Variants in DPYSL5 observed in about 807,000 individuals in gnomAD.
The protein encoded by DPYSL5 is dihydropyrimidinase-related protein 5.
DPYSL5 carries 9 observed loss-of-function variants against 58.4 expected under a neutral mutation model. The ratio of observed to expected loss-of-function variants is 0.15; its 90% CI spans 0.09 to 0.27. The LOEUF (loss-of-function observed/expected upper bound fraction) is 0.27. Among genes scored for constraint, DPYSL5 ranks in the 10% least tolerant of loss-of-function variants. The pLI is 1.00. For synonymous variants in DPYSL5, 293 were observed against 301.9 expected, an observed-to-expected ratio of 0.97 and a Z score of 0.31; for missense variants, 499 against 770.6, an observed-to-expected ratio of 0.65 and a Z score of 4.17.
rs575888836 is a variant in DPYSL5, at chr2:26,901,921, C to T, written c.261+3161C>T. Among the ~76,000 whole-genome samples the T allele has an allele frequency of 3.9e-5, 6 of 152,224 alleles. No individual in the cohort carries two copies. In the East Asian group the frequency reaches 1.2e-3, roughly 30 times the overall value. On this transcript the variant is annotated intron_variant, in intron 2 of 12. Coordinates refer to ENST00000288699, the MANE Select transcript of DPYSL5 (RefSeq NM_020134.4). The stretch of plus-strand genomic sequence containing the variant: ...CTCCAGGGATTTCTCTCCAGTACTT[C>T]TTTAGCCCACGCCTCGCTGGCCCCA...
chr2:26,927,469 C>G lies in DPYSL5; in HGVS notation c.600+37C>G. 1 of 1,602,968 alleles carries G rather than the reference C, an allele frequency of 6.2e-7. No homozygotes were observed. The highest frequency in any genetic ancestry group is 1.1e-5 in the South Asian group (1 of 89,826). On this transcript the variant is annotated intron_variant, in intron 4 of 12. Transcript: ENST00000288699. The surrounding 1 kb of genome is among the most constrained non-coding windows in gnomAD (Gnocchi z 4.3). ...GCCAAGAATATTGGATGGAGGGACACCAGTGGAGACAGTTAGTTCTCAGGG... is the reference window on the plus strand; with the variant it reads ...GCCAAGAATATTGGATGGAGGGACAGCAGTGGAGACAGTTAGTTCTCAGGG...
At chr2:26,945,934 A>G (rs1191339113) in intron 12 of DPYSL5, among the ~76,000 whole-genome samples, 1 of 152,180 alleles carries the variant, frequency 6.6e-6, no homozygotes, top group Non-Finnish European at 1.5e-5. Context: ...TTGTGGCAGA[A>G]GAGATGAGGT....
chr2:26,945,056 C>A (rs539888480), intron 12 of DPYSL5, among the ~76,000 whole-genome samples: 4 of 152,182 alleles, frequency 2.6e-5, no homozygotes, highest in Non-Finnish European at 2.9e-5. Context: ...ACCTGGGGCT[C>A]TGCTCGGGGT....
chr2:26,938,453 G>A (rs112976834), intron 8 of DPYSL5: 22 of 152,366 alleles, frequency 1.4e-4, no homozygotes, highest in East Asian at 7.7e-4. Flanking sequence ...GGGGCTCTGC[G>A]GGAGAATCTC....
intron 2 of DPYSL5, among the ~76,000 whole-genome samples, chr2:26,911,066 G>T (rs4665922): frequency 0.37 from 52,712 of 141,524 alleles, 10,109 homozygotes; most frequent in Admixed American, 0.53. Context: ...ATGGTATGTG[G>T]TATCTATGTT....
chr2:26,878,986 C>G (rs981063479), intron 1 of DPYSL5, among the ~76,000 whole-genome samples: 3 of 152,212 alleles, frequency 2.0e-5, no homozygotes, highest in African/African-American at 7.2e-5. Context: ...ACCGGCAGCC[C>G]TTCCAGCTCC....
intron 1 of DPYSL5, among the ~76,000 whole-genome samples, chr2:26,882,861 C>A (rs576824065): frequency 6.7e-6 from 1 of 149,252 alleles, no homozygotes; most frequent in Non-Finnish European, 1.5e-5. Context: ...TGCAGTGAGC[C>A]GATCGTGCCA....
intron 1 of DPYSL5, among the ~76,000 whole-genome samples, chr2:26,888,781 A>G (rs1185862713): frequency 1.3e-5 from 2 of 152,142 alleles, no homozygotes; most frequent in Non-Finnish European, 2.9e-5. Context: ...GTTGTTACTT[A>G]CATTGCTCAT....
At chr2:26,943,882 A>T (rs1180167195) in intron 11 of DPYSL5, among the ~76,000 whole-genome samples, 3 of 152,228 alleles carry the variant, frequency 2.0e-5, no homozygotes, top group Non-Finnish European at 4.4e-5. Flanking sequence ...TCTCATCTCC[A>T]GATGGGGCTG....
chr2:26,877,735 T>C lies in DPYSL5; in HGVS notation c.-4-20761T>C, dbSNP rs1252546547. On this transcript the variant is annotated intron_variant, in intron 1 of 12. Coordinates refer to ENST00000288699, the MANE Select transcript of DPYSL5 (RefSeq NM_020134.4). The surrounding 1 kb of genome is among the most constrained non-coding windows in gnomAD (Gnocchi z 4.1). ...TGTGGGAAAACTGCAGTTAATAGTT[T>C]CATATATATATGAAATCTCACTCAT... 6.6e-6 allele frequency among the ~76,000 whole-genome samples: 1 copy of C among 152,238 alleles called. No homozygotes were observed.
chr2:26,870,857 AG>A (rs1663245655), intron 1 of DPYSL5, among the ~76,000 whole-genome samples: 1 of 152,208 alleles, frequency 6.6e-6, no homozygotes, highest in Non-Finnish European at 1.5e-5. Context: ...TTGTCTTTTA[AG>A]CCTGCTGTGT....
chr2:26,878,824 G>A lies in DPYSL5; in HGVS notation c.-4-19672G>A, dbSNP rs189548511. ...TCCTGAGTGCACCAAGCTAGCTTGC[G>A]CCACACAGCTTCTGTCTGGAACATC... On this transcript the variant is annotated intron_variant, in intron 1 of 12. Coordinates refer to ENST00000288699, the MANE Select transcript of DPYSL5 (RefSeq NM_020134.4). 3.7e-4 allele frequency among the ~76,000 whole-genome samples: 56 copies of A among 152,234 alleles called. 1 individual carries two copies. In the East Asian group the frequency reaches 9.9e-3, roughly 27 times the overall value.
At position 26,927,853 on chromosome 2, in the gene DPYSL5, T is replaced by C. The variant is rs949670064; in HGVS notation, c.601-402T>C. Among the ~76,000 whole-genome samples the C allele has an allele frequency of 1.3e-5, 2 of 152,176 alleles. No homozygotes were observed. Among genetic ancestry groups the C allele is most frequent in the African/African-American group, 2.4e-5 (1 of 41,436 alleles). ...TTCATGGCACCAGGAAGGATAAGCC[T>C]CTGGTGCATTCTCCTAGGTCTTGGG... On this transcript the variant is annotated intron_variant, in intron 4 of 12. Transcript: ENST00000288699. This position sits in a 1 kb window ranked among gnomAD's most constrained non-coding sequence, Gnocchi z 4.3.
In DPYSL5 at chr2:26,925,579, C is replaced by CT. The variant is rs1664811550; in HGVS notation, c.420+535dup. ...TGAGAAGCATCGAGGCTGTCCTGGT[C>CT]TGTGACTGAGGCTGGCACCCCCTGA... is the stretch of plus-strand genomic sequence containing the variant. On this transcript the variant is annotated intron_variant, in intron 3 of 12. Coordinates refer to ENST00000288699, the MANE Select transcript of DPYSL5 (RefSeq NM_020134.4). This position sits in a 1 kb window ranked among gnomAD's most constrained non-coding sequence, Gnocchi z 4.5. Among the ~76,000 whole-genome samples the CT allele has an allele frequency of 6.6e-6, 1 of 152,228 alleles. No homozygotes were observed. Among genetic ancestry groups the CT allele is most frequent in the South Asian group, 2.1e-4 (1 of 4,832 alleles).
intron 1 of DPYSL5, among the ~76,000 whole-genome samples, chr2:26,858,258 G>A (rs970794224): frequency 7.8e-6 from 1 of 128,128 alleles, no homozygotes; most frequent in Non-Finnish European, 1.6e-5. Flanking sequence ...TGCAAGCTCC[G>A]CCTCCTGGGT....
rs915881667 is a variant in DPYSL5 at position 26,849,863 on chromosome 2, AC to A, written c.-5+1616del. Among the ~76,000 whole-genome samples the A allele has an allele frequency of 1.1e-4, 16 of 151,794 alleles. No homozygotes were observed. The highest frequency in any genetic ancestry group is 2.2e-4 in the African/African-American group (9 of 41,404). Reference sequence around the variant, plus strand: ...CCGGCCTGGGGGCCTGCAGACAGCCACCCCCCCACTCCGGCTCGGGTGCCTT... The same window carrying A: ...CCGGCCTGGGGGCCTGCAGACAGCCACCCCCCACTCCGGCTCGGGTGCCTT... On this transcript the variant is annotated intron_variant, in intron 1 of 12. Coordinates refer to ENST00000288699, the MANE Select transcript of DPYSL5 (RefSeq NM_020134.4). This position sits in a 1 kb window ranked among gnomAD's most constrained non-coding sequence, Gnocchi z 6.2.
chr2:26,914,444 A>G (rs369437710), intron 2 of DPYSL5, among the ~76,000 whole-genome samples: 33 of 152,302 alleles, frequency 2.2e-4, no homozygotes, highest in African/African-American at 7.5e-4. Context: ...CTTTCCAGGC[A>G]TTGCTGGGGC....
chr2:26,898,359 C>T lies in DPYSL5; in HGVS notation c.-4-137C>T, dbSNP rs911035134. 1.9e-5 allele frequency: 24 copies of T among 1,243,876 alleles called. No homozygotes were observed. The highest frequency in any genetic ancestry group is 5.2e-4 in the Middle Eastern group (2 of 3,864). The allele number at this position is 1,243,876 out of a possible 1,614,324, so 77.1% of individuals were successfully genotyped here. ...AAGCCAGTGGGAGGCTTGTGACTCCCGCTGGCTGTAGGGGAAAGTTCCTCC... is the reference window on the plus strand; with the variant it reads ...AAGCCAGTGGGAGGCTTGTGACTCCTGCTGGCTGTAGGGGAAAGTTCCTCC... On this transcript the variant is annotated intron_variant, in intron 1 of 12. Coordinates refer to ENST00000288699, the MANE Select transcript of DPYSL5 (RefSeq NM_020134.4). This position sits in a 1 kb window ranked among gnomAD's most constrained non-coding sequence, Gnocchi z 6.1.
chr2:26,889,491 C>T (rs1406539654), intron 1 of DPYSL5, among the ~76,000 whole-genome samples: 1 of 151,542 alleles, frequency 6.6e-6, no homozygotes, highest in African/African-American at 2.4e-5. Flanking sequence ...AGGATGGTCT[C>T]AATCTCCTGA....
Sources: gnomAD v4.1 joint callset for allele counts (sites outside exome capture counted in the v4.1 genomes callset) on GRCh38, gnomAD v4.1.1 for gene constraint, Gnocchi (gnomAD v3.1) non-coding constraint, MANE v1.5 for transcripts, NCBI Gene and HGNC (gene_info 2026-07-23, HGNC 2026-07-21) for gene names.